Variants in OSBPL10 observed in about 807,000 individuals in gnomAD.
The protein encoded by OSBPL10 is oxysterol-binding protein-related protein 10.
Under a neutral mutation model 81.7 loss-of-function variants are expected in OSBPL10, and 49 were observed. The ratio of observed to expected loss-of-function variants is 0.60; its 90% CI spans 0.48 to 0.76. OSBPL10 has a LOEUF of 0.76. Among genes scored for constraint, OSBPL10 ranks in the 30% least tolerant of loss-of-function variants. The pLI is 0.00. For synonymous variants in OSBPL10, 419 were observed against 383.6 expected (o/e 1.09, Z -1.08); for missense variants, 923 against 987.8 (o/e 0.93, Z 0.88).
At chr3:31,804,336 T>C (rs1169624737) in intron 4 of OSBPL10, among the ~76,000 whole-genome samples, 1 of 152,122 alleles carries the variant, frequency 6.6e-6, no homozygotes, top group Non-Finnish European at 1.5e-5. Flanking sequence ...GTTTTACAGA[T>C]TAGAAAAACG....
At chr3:32,002,349 T>C (rs1699157259) in intron 2 of OSBPL10, among the ~76,000 whole-genome samples, 1 of 152,080 alleles carries the variant, frequency 6.6e-6, no homozygotes, top group African/African-American at 2.4e-5. Context: ...AACCATAGGG[T>C]ATCTCCCCAA....
intron 1 of OSBPL10, among the ~76,000 whole-genome samples, chr3:31,927,319 ACAT>A (rs1365701973): frequency 1.3e-5 from 2 of 152,242 alleles, no homozygotes; most frequent in Non-Finnish European, 2.9e-5. Flanking sequence ...ATTTTCAACC[ACAT>A]CATATCATAA....
At chr3:31,835,128 A>G (rs2125540268) in intron 3 of OSBPL10, among the ~76,000 whole-genome samples, 1 of 152,300 alleles carries the variant, frequency 6.6e-6, no homozygotes, top group East Asian at 1.9e-4. Context: ...TTAAGTAGTC[A>G]CAGTCTTAAG....
intron 4 of OSBPL10, among the ~76,000 whole-genome samples, chr3:31,779,514 G>A (rs777811433): frequency 2.0e-4 from 30 of 152,202 alleles, no homozygotes; most frequent in African/African-American, 5.8e-4. Flanking sequence ...GGAAAAAATC[G>A]CAACCCTAAA....
intron 1 of OSBPL10, among the ~76,000 whole-genome samples, chr3:31,943,048 T>G (rs1697581927): frequency 6.6e-6 from 1 of 152,220 alleles, no homozygotes; most frequent in African/African-American, 2.4e-5. Flanking sequence ...CTAGTCTACT[T>G]TCTTCCTCTA....
chr3:31,761,827 A>AAAAAAAAAAAAAAAAAAAC (rs996116489), intron 4 of OSBPL10, among the ~76,000 whole-genome samples: 3 of 149,542 alleles, frequency 2.0e-5, no homozygotes, highest in African/African-American at 7.7e-5. Flanking sequence ...AAAAAAAAAA[A>AAAAAAAAAAAAAAAAAAAC]AAAACCCTAA....
At chr3:31,837,865 AAAG>A (rs144198437) in intron 3 of OSBPL10, among the ~76,000 whole-genome samples, 5,864 of 152,234 alleles carry the variant, frequency 0.039, 165 homozygotes, top group Non-Finnish European at 0.055. Context: ...TAATCCATGA[AAAG>A]AAATCAATGC....
chr3:31,810,753 A>G (rs1699659912), intron 4 of OSBPL10, among the ~76,000 whole-genome samples: 1 of 152,234 alleles, frequency 6.6e-6, no homozygotes, highest in Non-Finnish European at 1.5e-5. Flanking sequence ...TCCCCTAGCC[A>G]ATTGGCAAAT....
At chr3:31,887,324 G>A (rs1053213788) in intron 1 of OSBPL10, among the ~76,000 whole-genome samples, 9 of 152,272 alleles carry the variant, frequency 5.9e-5, no homozygotes, top group African/African-American at 2.2e-4. Context: ...TGTGAAGTGG[G>A]GGGCCAAACT....
chr3:31,810,335 T>C (rs1427088579), intron 4 of OSBPL10, among the ~76,000 whole-genome samples: 8 of 152,348 alleles, frequency 5.3e-5, no homozygotes, highest in East Asian at 1.9e-4. Context: ...TTTTATTATA[T>C]GTAATATGTC....
At chr3:31,899,744 G>C (rs1272585618) in intron 1 of OSBPL10, among the ~76,000 whole-genome samples, 3 of 152,156 alleles carry the variant, frequency 2.0e-5, no homozygotes, top group African/African-American at 7.2e-5. Context: ...ACTTTGAAAG[G>C]CTGAGGCAGG....
chr3:31,879,464 A>T (rs752824278), intron 2 of OSBPL10, 191 bp downstream of exon 2: 4 of 585,950 alleles, frequency 6.8e-6, no homozygotes, highest in African/African-American at 1.9e-5. Flanking sequence ...GTTAATTAGG[A>T]CAAGTAATTC....
At chr3:31,817,913 C>G (rs1278364674) in intron 4 of OSBPL10, among the ~76,000 whole-genome samples, 1 of 152,142 alleles carries the variant, frequency 6.6e-6, no homozygotes, top group East Asian at 1.9e-4. Context: ...GAGACCAGCC[C>G]GGTCAACCTT....
At chr3:31,923,991 G>T (rs959359035) in intron 1 of OSBPL10, among the ~76,000 whole-genome samples, 2 of 152,234 alleles carry the variant, frequency 1.3e-5, no homozygotes, top group Admixed American at 1.3e-4. Flanking sequence ...GGCTGAGGTG[G>T]GTGGATCAGA....
intron 2 of OSBPL10, among the ~76,000 whole-genome samples, chr3:31,987,059 AAT>A (rs1211799646): frequency 5.9e-5 from 9 of 152,174 alleles, no homozygotes; most frequent in South Asian, 4.2e-4. Context: ...ATAATTTATA[AAT>A]ATATATGTGT....
chr3:31,904,186 A>G (rs887780014), intron 1 of OSBPL10, among the ~76,000 whole-genome samples: 2 of 151,960 alleles, frequency 1.3e-5, no homozygotes, highest in African/African-American at 4.8e-5. Context: ...TCCACCTCTC[A>G]CACCCAGGCT....
chr3:31,965,669 TTATATAATATATATTATATAAAA>T (rs1205254182), intron 1 of OSBPL10, among the ~76,000 whole-genome samples: 2 of 22,810 alleles, frequency 8.8e-5, no homozygotes, highest in East Asian at 3.6e-3. Flanking sequence ...ATTATATATT[TTATATAATATATATTATATAAAA>T]TATATAATAT....
chr3:32,005,381 T>C (rs1338123225), intron 2 of OSBPL10, among the ~76,000 whole-genome samples: 1 of 152,124 alleles, frequency 6.6e-6, no homozygotes, highest in Admixed American at 6.6e-5. Context: ...ATGCCTCCAA[T>C]TGTCCTACTA....
At chr3:31,715,282 T>A (rs971782122) in intron 6 of OSBPL10, among the ~76,000 whole-genome samples, 1 of 152,234 alleles carries the variant, frequency 6.6e-6, no homozygotes, top group African/African-American at 2.4e-5. Context: ...TTGGACAGCA[T>A]AGAAAGAAAA....
Sources: allele counts gnomAD v4.1 joint callset (sites outside exome capture counted in the v4.1 genomes callset), GRCh38; gene constraint gnomAD v4.1.1; transcripts MANE v1.5; gene names NCBI Gene and HGNC (gene_info 2026-07-23, HGNC 2026-07-21).